The following LRRTM4 variants were observed in gnomAD, a reference collection of about 807,000 sequenced individuals.
LRRTM4 encodes the protein leucine-rich repeat transmembrane neuronal protein 4.
Under a neutral mutation model 47.6 loss-of-function variants are expected in LRRTM4, and 25 were observed. That is an observed-to-expected ratio of 0.53 (90% CI 0.38 to 0.73). The LOEUF (loss-of-function observed/expected upper bound fraction) is 0.73, where lower values mean the gene tolerates loss of function less well. Among genes scored for constraint, LRRTM4 ranks in the 30% least tolerant of loss-of-function variants. The pLI is 0.00. For synonymous variants in LRRTM4, 311 were observed against 269.5 expected (o/e 1.15, Z -1.51); for missense variants, 638 against 713.4 (o/e 0.89, Z 1.20).
chr2:77,035,521 A>AT (rs1423562065), intron 3 of LRRTM4, among the ~76,000 whole-genome samples: 1 of 151,888 alleles, frequency 6.6e-6, no homozygotes, highest in East Asian at 1.9e-4. Flanking sequence ...ATTTTATTTC[A>AT]TTTTTTAAAT....
chr2:77,505,035 AATT>A (rs1401924074), intron 3 of LRRTM4, among the ~76,000 whole-genome samples: 1 of 151,354 alleles, frequency 6.6e-6, no homozygotes, highest in Non-Finnish European at 1.5e-5. Flanking sequence ...GAAAAAGATA[AATT>A]ATTAAATATA....
intron 3 of LRRTM4, among the ~76,000 whole-genome samples, chr2:77,278,888 G>T (rs1046662414): frequency 5.9e-5 from 9 of 151,934 alleles, no homozygotes; most frequent in African/African-American, 2.2e-4. Context: ...TGTTCCACTA[G>T]CCTGCATAGT....
chr2:77,156,142 T>C (rs778636872), intron 3 of LRRTM4, among the ~76,000 whole-genome samples: 3 of 152,066 alleles, frequency 2.0e-5, no homozygotes, highest in Non-Finnish European at 2.9e-5. Flanking sequence ...AAGGCTGCAT[T>C]AAACAGGAGC....
At chr2:77,376,704 T>C (rs1323204759) in intron 3 of LRRTM4, among the ~76,000 whole-genome samples, 1 of 151,880 alleles carries the variant, frequency 6.6e-6, no homozygotes, top group Non-Finnish European at 1.5e-5. Context: ...TCATAATTTA[T>C]CAACTATCAT....
intron 3 of LRRTM4, among the ~76,000 whole-genome samples, chr2:76,801,545 A>G (rs1394932211): frequency 6.6e-6 from 1 of 152,130 alleles, no homozygotes; most frequent in African/African-American, 2.4e-5. Flanking sequence ...GGATAGCATT[A>G]GGAGATATAC....
At chr2:76,940,906 G>T (rs1675119527) in intron 3 of LRRTM4, among the ~76,000 whole-genome samples, 1 of 152,080 alleles carries the variant, frequency 6.6e-6, no homozygotes, top group African/African-American at 2.4e-5. Flanking sequence ...TGACTACAAG[G>T]CTAGCAAGTG....
intron 3 of LRRTM4, among the ~76,000 whole-genome samples, chr2:77,348,476 T>A (rs1671647481): frequency 6.6e-6 from 1 of 150,464 alleles, no homozygotes; most frequent in Non-Finnish European, 1.5e-5. Flanking sequence ...TTTTATAAGC[T>A]TATATAATTT....
intron 3 of LRRTM4, among the ~76,000 whole-genome samples, chr2:76,966,495 T>C (rs1015180004): frequency 9.2e-5 from 14 of 151,512 alleles, no homozygotes; most frequent in African/African-American, 3.4e-4. Context: ...ATTTCAAACA[T>C]GCATAAGGCT....
intron 3 of LRRTM4, among the ~76,000 whole-genome samples, chr2:77,395,044 G>A (rs1342411914): frequency 6.6e-6 from 1 of 151,948 alleles, no homozygotes; most frequent in Non-Finnish European, 1.5e-5. Flanking sequence ...TTCTTTAAGT[G>A]TAAGGGTGTG....
intron 3 of LRRTM4, among the ~76,000 whole-genome samples, chr2:77,004,608 C>A (rs1281105067): frequency 6.6e-6 from 1 of 152,296 alleles, no homozygotes; most frequent in Admixed American, 6.5e-5. Context: ...TCGGAGCCCC[C>A]ACACAGAGTC....
intron 3 of LRRTM4, among the ~76,000 whole-genome samples, chr2:77,475,547 A>G (rs926126887): frequency 6.6e-6 from 1 of 152,066 alleles, no homozygotes; most frequent in South Asian, 2.1e-4. Context: ...TCTTCTACAG[A>G]TAAGGCACAT....
At chr2:76,785,730 G>GAAAAT (rs1458713157) in intron 3 of LRRTM4, among the ~76,000 whole-genome samples, 1 of 151,962 alleles carries the variant, frequency 6.6e-6, no homozygotes, top group Non-Finnish European at 1.5e-5. Context: ...ATATTTAGTG[G>GAAAAT]AAAATAAAAT....
intron 3 of LRRTM4, among the ~76,000 whole-genome samples, chr2:76,942,676 C>CTGTGTGTGTGTGTGTGTG (rs61077287): frequency 0.02 from 2,972 of 148,224 alleles, 107 homozygotes; most frequent in African/African-American, 0.067. Flanking sequence ...CTCTAGGAAT[C>CTGTGTGTGTGTGTGTGTG]TGTGTGTGTG....
chr2:77,420,128 G>C (rs2103879396), intron 3 of LRRTM4, among the ~76,000 whole-genome samples: 1 of 152,316 alleles, frequency 6.6e-6, no homozygotes, highest in South Asian at 2.1e-4. Flanking sequence ...GCAGGATTCA[G>C]TTCTTTGTGG....
intron 3 of LRRTM4, among the ~76,000 whole-genome samples, chr2:77,246,293 C>T (rs1004154915): frequency 1.3e-5 from 2 of 152,114 alleles, no homozygotes; most frequent in African/African-American, 2.4e-5. Flanking sequence ...CAAAGTACTT[C>T]ACTAGCTTCA....
chr2:77,182,560 AC>A (rs766542798), intron 3 of LRRTM4, among the ~76,000 whole-genome samples: 37 of 152,136 alleles, frequency 2.4e-4, no homozygotes, highest in Non-Finnish European at 5.1e-4. Flanking sequence ...ATTAAAAAAA[AC>A]ATAATAGCTT....
intron 3 of LRRTM4, among the ~76,000 whole-genome samples, chr2:77,383,360 C>T (rs1360429999): frequency 6.6e-6 from 1 of 151,798 alleles, no homozygotes; most frequent in Non-Finnish European, 1.5e-5. Context: ...GTTCTTTGTA[C>T]AATTGTTTTG....
intron 3 of LRRTM4, among the ~76,000 whole-genome samples, chr2:76,851,515 G>A (rs1406902702): frequency 6.6e-6 from 1 of 152,036 alleles, no homozygotes; most frequent in East Asian, 1.9e-4. Context: ...TACCGTTGCT[G>A]ACAGATGCCC....
At chr2:77,344,147 T>C (rs1407465505) in intron 3 of LRRTM4, among the ~76,000 whole-genome samples, 1 of 151,770 alleles carries the variant, frequency 6.6e-6, no homozygotes, top group Non-Finnish European at 1.5e-5. Flanking sequence ...TAGAATTCCA[T>C]AACATAATAT....
Sources: allele counts gnomAD v4.1 joint callset (sites outside exome capture counted in the v4.1 genomes callset), GRCh38; gene constraint gnomAD v4.1.1; transcripts MANE v1.5; gene names NCBI Gene and HGNC (gene_info 2026-07-23, HGNC 2026-07-21).